VTI1A: variants seen among roughly 807,000 people sequenced by gnomAD.
The protein encoded by VTI1A is vesicle transport through interaction with t-SNAREs homolog 1A.
A neutral mutation model predicts 34.9 loss-of-function variants in VTI1A; 22 were observed. The ratio of observed to expected loss-of-function variants is 0.63; its 90% CI spans 0.45 to 0.90. The LOEUF is 0.90. VTI1A is among the 40% of genes least tolerant of loss of function. The pLI is 0.00. For missense variants in VTI1A, 268 were observed against 275.6 expected, an observed-to-expected ratio of 0.97 and a Z score of 0.20; for synonymous variants, 87 against 97.3, an observed-to-expected ratio of 0.89 and a Z score of 0.62.
chr10:112,815,392 C>T lies in VTI1A; in HGVS notation c.*9C>T, dbSNP rs753013848. 3 of 1,608,422 alleles carry T rather than the reference C, an allele frequency of 1.9e-6. No individual in the cohort carries two copies. The highest frequency in any genetic ancestry group is 2.2e-5 in the South Asian group (2 of 90,948). On this transcript the variant is annotated 3_prime_UTR_variant, in exon 8 of 8. Transcript: ENST00000393077. ...CTGTCAGAAGACACTGATGTATCTGCTCTCCCTTGATAAACAGCAACAACA... is the reference window on the plus strand; with the variant it reads ...CTGTCAGAAGACACTGATGTATCTGTTCTCCCTTGATAAACAGCAACAACA...
At chr10:112,484,516 T>A (rs1009399089) in intron 3 of VTI1A, among the ~76,000 whole-genome samples, 3 of 152,214 alleles carry the variant, frequency 2.0e-5, no homozygotes, top group Middle Eastern at 6.3e-3. Context: ...TTTTCTTTAC[T>A]TTCCATTCAC....
At chr10:112,512,920 A>T (rs1279680607) in intron 3 of VTI1A, among the ~76,000 whole-genome samples, 1 of 152,030 alleles carries the variant, frequency 6.6e-6, no homozygotes, top group East Asian at 1.9e-4. Context: ...TACCAATATC[A>T]TGTTGTTTTG....
At chr10:112,509,502 A>C (rs530513864) in intron 3 of VTI1A, among the ~76,000 whole-genome samples, 20 of 152,218 alleles carry the variant, frequency 1.3e-4, no homozygotes, top group Non-Finnish European at 2.6e-4. Context: ...TCCAGTTTAC[A>C]TATCAGGCGT....
intron 5 of VTI1A, among the ~76,000 whole-genome samples, chr10:112,615,306 A>G (rs1305368922): frequency 6.6e-6 from 1 of 152,234 alleles, no homozygotes; most frequent in East Asian, 1.9e-4. Flanking sequence ...CATCTGGAAA[A>G]CAGATGGCAG....
chr10:112,775,555 C>G (rs568765945), intron 7 of VTI1A, among the ~76,000 whole-genome samples: 2 of 152,038 alleles, frequency 1.3e-5, no homozygotes, highest in East Asian at 3.9e-4. Context: ...AAGTAGGATT[C>G]AAATTCCTAA....
chr10:112,564,014 A>C (rs187811385), intron 5 of VTI1A, among the ~76,000 whole-genome samples: 1 of 152,296 alleles, frequency 6.6e-6, no homozygotes, highest in East Asian at 1.9e-4. Flanking sequence ...GTTTATTTTA[A>C]AAACCTAAGG....
At chr10:112,795,058 G>A (rs1266022982) in intron 7 of VTI1A, among the ~76,000 whole-genome samples, 5 of 152,162 alleles carry the variant, frequency 3.3e-5, no homozygotes, top group African/African-American at 4.8e-5. Flanking sequence ...AGATGTTGTT[G>A]TCCCTGACTT....
intron 5 of VTI1A, among the ~76,000 whole-genome samples, chr10:112,552,709 A>G (rs1239927506): frequency 6.6e-6 from 1 of 152,068 alleles, no homozygotes; most frequent in Non-Finnish European, 1.5e-5. Context: ...TTTTCTTACT[A>G]CAATGAATCC....
At chr10:112,491,581 AT>A (rs1179964927) in intron 3 of VTI1A, among the ~76,000 whole-genome samples, 2 of 152,208 alleles carry the variant, frequency 1.3e-5, no homozygotes, top group African/African-American at 2.4e-5. Flanking sequence ...GGCGAAATTG[AT>A]TTTAGTAATA....
rs116345141 is a variant in VTI1A at position 112,528,273 on chromosome 10, T to G, written c.342+1109T>G. 9.6e-3 allele frequency among the ~76,000 whole-genome samples: 1,467 copies of G among 152,310 alleles called. 26 individuals carry two copies. Among genetic ancestry groups the G allele is most frequent in the African/African-American group, 0.034 (1,413 of 41,582 alleles). On this transcript the variant is annotated intron_variant, in intron 4 of 7. Transcript: ENST00000393077. ...GTCCATATATGCTAATAGTATTTGC[T>G]ATCTATTATACTATAATCTGTAACA...
At position 112,736,486 on chromosome 10, in the gene VTI1A, A is replaced by G. The variant is rs375344728; in HGVS notation, c.560+67488A>G. On this transcript the variant is annotated intron_variant, in intron 7 of 7. Coordinates refer to ENST00000393077, the MANE Select transcript of VTI1A (RefSeq NM_145206.4). ...GATAGATGGGTAGGTGGGTGGGTGGATGGATGGACTAAAGCGATGAATGAG... is the reference window on the plus strand; with the variant it reads ...GATAGATGGGTAGGTGGGTGGGTGGGTGGATGGACTAAAGCGATGAATGAG... 7.2e-5 allele frequency among the ~76,000 whole-genome samples: 11 copies of G among 152,202 alleles called. 2 individuals are homozygous for G. In the South Asian group the frequency reaches 1.5e-3, roughly 20 times the overall value.
chr10:112,487,004 G>C (rs1048079677), intron 3 of VTI1A, among the ~76,000 whole-genome samples: 2 of 152,088 alleles, frequency 1.3e-5, no homozygotes, highest in African/African-American at 4.8e-5. Context: ...CTATTTAATA[G>C]AGATACTATC....
intron 7 of VTI1A, among the ~76,000 whole-genome samples, chr10:112,751,190 A>G (rs1009780356): frequency 3.9e-5 from 6 of 152,144 alleles, no homozygotes; most frequent in Admixed American, 3.9e-4. Flanking sequence ...TTGAAGGGAG[A>G]GAAAAGAATT....
chr10:112,684,652 G>C (rs1848340021), intron 7 of VTI1A, among the ~76,000 whole-genome samples: 1 of 152,024 alleles, frequency 6.6e-6, no homozygotes, highest in Admixed American at 6.6e-5. Flanking sequence ...TGTTGGTCAG[G>C]TTGGTCTCGA....
At chr10:112,746,676 C>G (rs981167738) in intron 7 of VTI1A, among the ~76,000 whole-genome samples, 10 of 152,146 alleles carry the variant, frequency 6.6e-5, no homozygotes, top group African/African-American at 2.4e-4. Context: ...CTAAGAGCAC[C>G]TCTCAGGCCA....
chr10:112,696,345 A>G (rs1358648712), intron 7 of VTI1A, among the ~76,000 whole-genome samples: 1 of 152,148 alleles, frequency 6.6e-6, no homozygotes, highest in Non-Finnish European at 1.5e-5. Flanking sequence ...AGTGAAATTT[A>G]CAGAATGTTT....
chr10:112,631,044 C>T (rs533458735), intron 5 of VTI1A, among the ~76,000 whole-genome samples: 88 of 152,144 alleles, frequency 5.8e-4, no homozygotes, highest in African/African-American at 2.1e-3. Flanking sequence ...ATCGCTTGAA[C>T]CCGGGAGCCG....
chr10:112,618,489 T>TTATATATATA (rs1209916722), intron 5 of VTI1A, among the ~76,000 whole-genome samples: 12 of 74,350 alleles, frequency 1.6e-4, no homozygotes, highest in African/African-American at 2.7e-4. Context: ...AATGATTATA[T>TTATATATATA]TATATATATA....
chr10:112,643,702 A>G lies in VTI1A; in HGVS notation c.428-24516A>G, dbSNP rs1227792505. Among the ~76,000 whole-genome samples the G allele has an allele frequency of 3.3e-5, 5 of 152,258 alleles. No individual in the cohort carries two copies. The South Asian group carries it at 8.3e-4, about 25-fold the overall frequency. On this transcript the variant is annotated intron_variant, in intron 5 of 7. Coordinates refer to ENST00000393077, the MANE Select transcript of VTI1A (RefSeq NM_145206.4). ...ACTGCATAAGCTACGAAAGACTTCA[A>G]AATTCCAGAGGAAAACAGACAAAAA... is the stretch of plus-strand genomic sequence containing the variant.
Sources: allele counts gnomAD v4.1 joint callset (sites outside exome capture counted in the v4.1 genomes callset), GRCh38; gene constraint gnomAD v4.1.1; transcripts MANE v1.5; gene names NCBI Gene and HGNC (gene_info 2026-07-23, HGNC 2026-07-21).